MEIS1: variants seen among roughly 807,000 people sequenced by gnomAD.
MEIS1 encodes homeobox protein Meis1.
A neutral mutation model predicts 50.8 loss-of-function variants in MEIS1; 5 were observed. That is an observed-to-expected ratio of 0.10 (90% CI 0.05 to 0.21). The LOEUF (loss-of-function observed/expected upper bound fraction) is 0.21. Among genes scored for constraint, MEIS1 ranks in the 10% least tolerant of loss-of-function variants. The pLI, the probability that MEIS1 is intolerant of heterozygous loss-of-function variation, is 1.00. For synonymous variants in MEIS1, 176 were observed against 179.3 expected (o/e 0.98, Z 0.15); for missense variants, 318 against 517.3 (o/e 0.61, Z 3.74).
chr2:66,540,464 C>A (rs966194686), intron 8 of MEIS1, among the ~76,000 whole-genome samples: 1 of 152,108 alleles, frequency 6.6e-6, no homozygotes, highest in Admixed American at 6.5e-5. Context: ...CGCCTGACAT[C>A]ACGCCCAGCT....
At chr2:66,481,962 C>T (rs1383672998) in intron 7 of MEIS1, among the ~76,000 whole-genome samples, 2 of 141,970 alleles carry the variant, frequency 1.4e-5, no homozygotes, top group Non-Finnish European at 3.0e-5. Flanking sequence ...TCAAGTGATT[C>T]TCCTGCCTCA....
intron 9 of MEIS1, among the ~76,000 whole-genome samples, chr2:66,565,995 C>T (rs1558566506): frequency 6.6e-6 from 1 of 152,094 alleles, no homozygotes; most frequent in African/African-American, 2.4e-5. Flanking sequence ...ATTAATCTAA[C>T]CTTCTGCTCA....
chr2:66,503,063 T>C (rs1255030759), intron 7 of MEIS1, among the ~76,000 whole-genome samples: 1 of 152,236 alleles, frequency 6.6e-6, no homozygotes, highest in African/African-American at 2.4e-5. Context: ...ATGGACTCAT[T>C]GCTTTTCCAT....
At chr2:66,439,432 G>A (rs1671892772) in intron 2 of MEIS1, 1 of 1,311,002 alleles carries the variant, frequency 7.6e-7, no homozygotes, top group Non-Finnish European at 9.7e-7. Context: ...GGAACCCGCA[G>A]GAACCAGCCC....
chr2:66,469,862 A>G (rs1345256823), intron 7 of MEIS1, among the ~76,000 whole-genome samples: 2 of 152,168 alleles, frequency 1.3e-5, no homozygotes, highest in Non-Finnish European at 2.9e-5. Flanking sequence ...ATGTAATCTG[A>G]AACTGCTGTC....
At chr2:66,553,766 T>G (rs1191616050) in intron 9 of MEIS1, among the ~76,000 whole-genome samples, 1 of 152,220 alleles carries the variant, frequency 6.6e-6, no homozygotes. Context: ...AAATATACTT[T>G]GTTGTAAGTT....
Position 66,435,555 on chromosome 2 carries a change from T to G in MEIS1, c.-302T>G. 1 of 401,388 alleles carries G rather than the reference T, an allele frequency of 2.5e-6. No individual in the cohort carries two copies. The highest frequency in any genetic ancestry group is 4.4e-6 in the Non-Finnish European group (1 of 229,440). The allele number at this position is 401,388 out of a possible 1,614,324, so 24.9% of individuals were successfully genotyped here. A position where few individuals can be genotyped will look rare whatever the true frequency, so the allele number is the denominator to read the frequency against. On this transcript the variant is annotated 5_prime_UTR_variant, in exon 1 of 13. Coordinates refer to ENST00000272369, the MANE Select transcript of MEIS1 (RefSeq NM_002398.3). ...TCTTTTTTTTCCTTTTCTTTCTTTC[T>G]TTCTTTTTTTTTTTTTAAACTGATT...
At chr2:66,454,985 G>T (rs1672356449) in intron 6 of MEIS1, among the ~76,000 whole-genome samples, 1 of 151,998 alleles carries the variant, frequency 6.6e-6, no homozygotes, top group African/African-American at 2.4e-5. Flanking sequence ...TTAACTCTAT[G>T]AACTACAATT....
In MEIS1 at chr2:66,493,079, C is replaced by G. The variant is rs185693537; in HGVS notation, c.743-19070C>G. On this transcript the variant is annotated intron_variant, in intron 7 of 12. Coordinates refer to ENST00000272369, the MANE Select transcript of MEIS1 (RefSeq NM_002398.3). ...GGCAACAAATAACATATAGCAAAAA[C>G]AAACACATAAAGATATGACCCATGA... is the stretch of plus-strand genomic sequence containing the variant. 2.5e-3 allele frequency among the ~76,000 whole-genome samples: 384 copies of G among 152,280 alleles called. 3 individuals carry two copies. The highest frequency in any genetic ancestry group is 8.8e-3 in the African/African-American group (365 of 41,562).
At chr2:66,537,703 C>T (rs1050221387) in intron 8 of MEIS1, among the ~76,000 whole-genome samples, 2 of 152,216 alleles carry the variant, frequency 1.3e-5, no homozygotes, top group African/African-American at 4.8e-5. Context: ...TCAACAGACT[C>T]ATTCCAAAAT....
intron 7 of MEIS1, among the ~76,000 whole-genome samples, chr2:66,465,591 A>C (rs968569535): frequency 6.6e-6 from 1 of 152,116 alleles, no homozygotes; most frequent in African/African-American, 2.4e-5. Context: ...ATGGAATATA[A>C]ATTCTTTTTC....
chr2:66,560,100 CTTTTT>C (rs70947304), intron 9 of MEIS1, among the ~76,000 whole-genome samples: 90 of 124,900 alleles, frequency 7.2e-4, no homozygotes, highest in South Asian at 1.8e-3. Context: ...CCTGCCATCA[CTTTTT>C]TTTTTTTTTT....
In MEIS1 at chr2:66,439,703, A is replaced by G. The variant is rs773558010; in HGVS notation, c.240-140A>G. 1.2e-5 allele frequency: 19 copies of G among 1,546,210 alleles called. 1 individual carries two copies. In the East Asian group the frequency reaches 4.4e-4, roughly 35 times the overall value. The stretch of plus-strand genomic sequence containing the variant: ...GGTCACCTGGGTCTGGGGGAGGGGG[A>G]GGAAAAGGAAAAAAGTAGATGACAC... On this transcript the variant is annotated intron_variant, in intron 2 of 12. Coordinates refer to ENST00000272369, the MANE Select transcript of MEIS1 (RefSeq NM_002398.3).
At chr2:66,518,956 C>G (rs1674041630) in intron 8 of MEIS1, among the ~76,000 whole-genome samples, 1 of 152,084 alleles carries the variant, frequency 6.6e-6, no homozygotes, top group Admixed American at 6.6e-5. Context: ...ATTTAGGATC[C>G]TAGGACTGAA....
At chr2:66,511,869 AC>A (rs1259891150) in intron 7 of MEIS1, among the ~76,000 whole-genome samples, 1 of 152,200 alleles carries the variant, frequency 6.6e-6, no homozygotes. Flanking sequence ...TGGAATAATT[AC>A]CATAGCAACA....
chr2:66,553,898 C>A (rs1674987494), intron 9 of MEIS1, among the ~76,000 whole-genome samples: 1 of 152,130 alleles, frequency 6.6e-6, no homozygotes, highest in African/African-American at 2.4e-5. Context: ...CTGGAAAAAC[C>A]CTGCCCCTTC....
At position 66,440,545 on chromosome 2, in the gene MEIS1, TTC is replaced by T. The variant is rs1252459276; in HGVS notation, c.382-14_382-13del. The T allele has an allele frequency of 3.1e-6, 5 of 1,608,472 alleles. No individual in the cohort carries two copies. Reference sequence around the variant, plus strand: ...TCTCTCCCCTCCCTCTCCCCTCTCCTTCTCACTTGTATTTAGATTCGCGCAGA... The same window carrying T: ...TCTCTCCCCTCCCTCTCCCCTCTCCTTCACTTGTATTTAGATTCGCGCAGA... On this transcript the variant is annotated splice_polypyrimidine_tract_variant and intron_variant, in intron 3 of 12. Coordinates refer to ENST00000272369, the MANE Select transcript of MEIS1 (RefSeq NM_002398.3).
chr2:66,471,324 G>A (rs1199133816), intron 7 of MEIS1, among the ~76,000 whole-genome samples: 1 of 152,110 alleles, frequency 6.6e-6, no homozygotes, highest in African/African-American at 2.4e-5. Context: ...TCTCATTTTT[G>A]AAATTTAAAA....
At chr2:66,472,387 C>T (rs975380264) in intron 7 of MEIS1, among the ~76,000 whole-genome samples, 6 of 152,052 alleles carry the variant, frequency 3.9e-5, no homozygotes, top group Non-Finnish European at 8.8e-5. Context: ...TGTGTTTAAG[C>T]GGGGGATGGG....
Sources: allele counts gnomAD v4.1 joint callset (sites outside exome capture counted in the v4.1 genomes callset), GRCh38; gene constraint gnomAD v4.1.1; transcripts MANE v1.5; gene names NCBI Gene and HGNC (gene_info 2026-07-23, HGNC 2026-07-21).